CSNK1D: variants seen among roughly 807,000 people sequenced by gnomAD.
CSNK1D encodes casein kinase 1 delta.
CSNK1D carries 16 observed loss-of-function variants against 46.6 expected under a neutral mutation model. The observed-to-expected ratio is 0.34, with a 90% CI of 0.23 to 0.52. The LOEUF (loss-of-function observed/expected upper bound fraction) is 0.52. Ranked by LOEUF, CSNK1D falls within the 20% of genes least tolerant of loss-of-function variation. The pLI, the probability that CSNK1D is intolerant of heterozygous loss-of-function variation, is 0.95. For missense variants in CSNK1D, 398 were observed against 578.4 expected, an observed-to-expected ratio of 0.69 and a Z score of 3.20; for synonymous variants, 276 against 228.2, an observed-to-expected ratio of 1.21 and a Z score of -1.89.
In CSNK1D at chr17:82,243,556, C is replaced by T. The variant is rs2050779046; in HGVS notation, c.*1225G>A. ...TTCACTTCTGACCAACAGACACGCG[C>T]CCAACAGAAGGTCACAGCGCAGACT... is the stretch of plus-strand genomic sequence containing the variant. On this transcript the variant is annotated 3_prime_UTR_variant, in exon 9 of 9. Coordinates refer to ENST00000314028, the MANE Select transcript of CSNK1D (RefSeq NM_001893.6). 2 of 985,358 alleles carry T rather than the reference C, an allele frequency of 2.0e-6. No individual in the cohort carries two copies. Among genetic ancestry groups the T allele is most frequent in the South Asian group, 4.7e-5 (1 of 21,294 alleles). 61.0% of individuals were successfully genotyped at this position (985,358 alleles called of 1,614,324 possible).
At chr17:82,271,667 G>A (rs2051627806) in intron 1 of CSNK1D, among the ~76,000 whole-genome samples, 1 of 152,212 alleles carries the variant, frequency 6.6e-6, no homozygotes, top group South Asian at 2.1e-4. Context: ...GGGTCACCTG[G>A]CAGGTTAACC....
rs748422475 is a variant in CSNK1D, at chr17:82,253,153, T to C, written c.428A>G (p.Asn143Ser). The stretch of plus-strand genomic sequence containing the variant: ...CCCGAAGTCGATGATGTACACCAGG[T>C]TGCCCTTCTTCCCCAGGCCCATGAG... Reference protein sequence around the residue: ...NFLMGLGKKGNLVYIIDFGLA... With the variant: ...NFLMGLGKKGSLVYIIDFGLA... Residue 143 changes from asparagine to serine, a missense_variant, in exon 4 of 9, where the codon AAC (asparagine) becomes AGC (serine). Transcript: ENST00000314028. 5.6e-6 allele frequency: 9 copies of C among 1,614,216 alleles called. No individual in the cohort carries two copies. Among genetic ancestry groups the C allele is most frequent in the Admixed American group, 1.7e-5 (1 of 60,024 alleles).
At chr17:82,245,996 G>A in intron 8 of CSNK1D, 1 of 1,609,176 alleles carries the variant, frequency 6.2e-7, no homozygotes, top group South Asian at 1.1e-5. Flanking sequence ...CTTCCGATGG[G>A]AGACGAGCAG....
chr17:82,244,696 CG>C lies in CSNK1D; in HGVS notation c.*84del, dbSNP rs1568551125. On this transcript the variant is annotated 3_prime_UTR_variant, in exon 9 of 9. Coordinates refer to ENST00000314028, the MANE Select transcript of CSNK1D (RefSeq NM_001893.6). ...CGGTGTTAACATTTCGATCCTAGAC[CG>C]GGGGACGTGTCACTAGTAAAGCCAT... 1 of 1,607,292 alleles carries C rather than the reference CG, an allele frequency of 6.2e-7. No individual in the cohort carries two copies.
At chr17:82,242,212 T>TGG (rs546603907), downstream of CSNK1D, among the ~76,000 whole-genome samples, 70 of 85,908 alleles carry the variant, frequency 8.1e-4, no homozygotes, top group South Asian at 2.8e-3. Context: ...CTGTGTGCTC[T>TGG]GGGGGGGGGG....
chr17:82,252,839 T>C lies in CSNK1D; in HGVS notation c.565+177A>G, dbSNP rs2051048307. 6.6e-6 allele frequency among the ~76,000 whole-genome samples: 1 copy of C among 152,060 alleles called. No individual in the cohort carries two copies. Among genetic ancestry groups the C allele is most frequent in the Admixed American group, 6.6e-5 (1 of 15,266 alleles). On this transcript the variant is annotated intron_variant, in intron 4 of 8. Coordinates refer to ENST00000314028, the MANE Select transcript of CSNK1D (RefSeq NM_001893.6). The surrounding 1 kb of genome is among the most constrained non-coding windows in gnomAD (Gnocchi z 4.6). The stretch of plus-strand genomic sequence containing the variant: ...AAACACATCACAGGTGACTCAGAAA[T>C]GTCCCAGCATCCGCCTGCCCCCATA...
At chr17:82,259,435 T>C (rs530100114) in intron 2 of CSNK1D, among the ~76,000 whole-genome samples, 1 of 152,338 alleles carries the variant, frequency 6.6e-6, no homozygotes, top group African/African-American at 2.4e-5. Flanking sequence ...AGGCTGAGGA[T>C]GATGTGGGTT....
intron 8 of CSNK1D, chr17:82,247,016 C>T: frequency 1.0e-6 from 1 of 985,454 alleles, no homozygotes; most frequent in Middle Eastern, 5.2e-4. Context: ...ACGGCCAAAG[C>T]CTTCCTGTGA....
chr17:82,245,815 G>A (rs1296163545), intron 8 of CSNK1D, among the ~76,000 whole-genome samples: 3 of 152,136 alleles, frequency 2.0e-5, no homozygotes, highest in Non-Finnish European at 4.4e-5. Context: ...GCGGACTGCC[G>A]CCGCTCTGCA....
chr17:82,270,382 C>T (rs1229070367), intron 1 of CSNK1D, among the ~76,000 whole-genome samples: 2 of 152,076 alleles, frequency 1.3e-5, no homozygotes, highest in African/African-American at 2.4e-5. Flanking sequence ...AGAAAGTCCC[C>T]GGTAGAAAAA....
At position 82,243,191 on chromosome 17, in the gene CSNK1D, T is replaced by TG. The variant is rs1164659246; in HGVS notation, c.*1589dup. On this transcript the variant is annotated 3_prime_UTR_variant, in exon 9 of 9. Transcript: ENST00000314028. The stretch of plus-strand genomic sequence containing the variant: ...CTCAGGCAGACGGCCAGCCAGCTGG[T>TG]GGGGGGGTGAACAACTGTGTTCTGG... 5.1e-5 allele frequency: 50 copies of TG among 985,120 alleles called. No individual in the cohort carries two copies. The Middle Eastern group carries it at 2.1e-3, about 41-fold the overall frequency. 61.0% of individuals were successfully genotyped at this position (985,120 alleles called of 1,614,324 possible).
In CSNK1D at chr17:82,251,671, T is replaced by A. The variant is rs2051012795; in HGVS notation, c.737-144A>T. The A allele has an allele frequency of 2.3e-6, 2 of 883,884 alleles. No homozygotes were observed. Among genetic ancestry groups the A allele is most frequent in the Admixed American group, 2.0e-5 (1 of 49,888 alleles). 54.8% of individuals were successfully genotyped at this position (883,884 alleles called of 1,614,324 possible). On this transcript the variant is annotated intron_variant, in intron 5 of 8. Transcript: ENST00000314028. The surrounding 1 kb of genome is among the most constrained non-coding windows in gnomAD (Gnocchi z 4.5). ...AAACACCTGTCAGATTTCTAAGACCTGAAGCCTTGAGAAAGCATCGAAAAG... is the reference window on the plus strand; with the variant it reads ...AAACACCTGTCAGATTTCTAAGACCAGAAGCCTTGAGAAAGCATCGAAAAG...
In CSNK1D at chr17:82,244,577, C is replaced by T. The variant is rs1599572142; in HGVS notation, c.*204G>A. On this transcript the variant is annotated 3_prime_UTR_variant, in exon 9 of 9. Coordinates refer to ENST00000314028, the MANE Select transcript of CSNK1D (RefSeq NM_001893.6). ...TTACAACCGAGTTCACGTGGGGGGC[C>T]GCAGTGCAGCCCCAGCGGTGGCAGC... is the stretch of plus-strand genomic sequence containing the variant. 16 of 1,497,896 alleles carry T rather than the reference C, an allele frequency of 1.1e-5. No individual in the cohort carries two copies. The highest frequency in any genetic ancestry group is 2.5e-5 in the East Asian group (1 of 40,276). 92.8% of individuals were successfully genotyped at this position (1,497,896 alleles called of 1,614,324 possible).
At chr17:82,246,086 C>A in intron 8 of CSNK1D, 2 of 1,579,930 alleles carry the variant, frequency 1.3e-6, no homozygotes, top group East Asian at 2.3e-5. Flanking sequence ...CGCTGGCCCC[C>A]TGACTACCTG....
rs1346523413 is a variant in CSNK1D, at chr17:82,253,130, C to T, written c.451G>A (p.Gly151Arg). The T allele has an allele frequency of 3.7e-6, 6 of 1,614,108 alleles. No homozygotes were observed. The highest frequency in any genetic ancestry group is 5.1e-6 in the Non-Finnish European group (6 of 1,180,044). Residue 151 changes from glycine to arginine, a missense_variant, in exon 4 of 9, where the codon GGG becomes AGG. By Grantham distance (125) the Gly-to-Arg change is moderately radical. This residue lies in a region of CSNK1D where 217 missense variants were observed against 370.3 expected (regional missense o/e 0.59). Transcript: ENST00000314028. ...GCATCCCGGTACTTCTTGGCCAGCC[C>T]GAAGTCGATGATGTACACCAGGTTG... ...KGNLVYIIDF[G>R]LAKKYRDART...
intron 1 of CSNK1D, among the ~76,000 whole-genome samples, chr17:82,269,775 C>T (rs1180384298): frequency 2.6e-5 from 4 of 152,240 alleles, no homozygotes; most frequent in South Asian, 2.1e-4. Flanking sequence ...GGGCCGCCTG[C>T]GGGGTGAACA....
rs2147162978 is a variant in CSNK1D, at chr17:82,249,323, A to G, written c.1057+108T>C. 1 of 1,208,246 alleles carries G rather than the reference A, an allele frequency of 8.3e-7. No homozygotes were observed. Among genetic ancestry groups the G allele is most frequent in the Non-Finnish European group, 1.2e-6 (1 of 857,150 alleles). 74.8% of individuals were successfully genotyped at this position (1,208,246 alleles called of 1,614,324 possible). A position where few individuals can be genotyped will look rare whatever the true frequency, so the allele number is the denominator to read the frequency against. On this transcript the variant is annotated intron_variant, in intron 7 of 8. Coordinates refer to ENST00000314028, the MANE Select transcript of CSNK1D (RefSeq NM_001893.6). This position sits in a 1 kb window ranked among gnomAD's most constrained non-coding sequence, Gnocchi z 6.7. ...CCCTCAGGAGCGAGCATCGCCTGAC[A>G]CAGGGCACTTAGTGTCCACCACCAA... is the stretch of plus-strand genomic sequence containing the variant.
Position 82,273,480 on chromosome 17 carries a change from C to T in CSNK1D, c.-99G>A. 1 of 1,435,496 alleles carries T rather than the reference C, an allele frequency of 7.0e-7. No individual in the cohort carries two copies. Among genetic ancestry groups the T allele is most frequent in the Non-Finnish European group, 9.5e-7 (1 of 1,047,340 alleles). The allele number at this position is 1,435,496 out of a possible 1,614,324, so 88.9% of individuals were successfully genotyped here. ...GCTGCCGCTACTGCGGGTCCGGCTC[C>T]CGGCTCCGCCCCCCTCACGGCCCCG... is the stretch of plus-strand genomic sequence containing the variant. On this transcript the variant is annotated 5_prime_UTR_variant, in exon 1 of 9. Transcript: ENST00000314028. This position sits in a 1 kb window ranked among gnomAD's most constrained non-coding sequence, Gnocchi z 5.1.
At position 82,247,193 on chromosome 17, in the gene CSNK1D, C is replaced by T. The variant is rs113679169; in HGVS notation, c.1197+1682G>A. ...GACTCCTCCCTGCTGTTAGAGCCCA[C>T]GTTGTATTTCCTCATATGGAAAACG... On this transcript the variant is annotated intron_variant, in intron 8 of 8. Coordinates refer to ENST00000314028, the MANE Select transcript of CSNK1D (RefSeq NM_001893.6). 5,208 of 985,458 alleles carry T rather than the reference C, an allele frequency of 5.3e-3. 19 individuals carry two copies. The highest frequency in any genetic ancestry group is 5.8e-3 in the Non-Finnish European group (4,846 of 829,952). The allele number at this position is 985,458 out of a possible 1,614,324, so 61.0% of individuals were successfully genotyped here. A position where few individuals can be genotyped will look rare whatever the true frequency, so the allele number is the denominator to read the frequency against.
Sources: allele counts gnomAD v4.1 joint callset (sites outside exome capture counted in the v4.1 genomes callset), GRCh38; gene constraint gnomAD v4.1.1; regional missense constraint gnomAD v4.1.1; non-coding constraint Gnocchi (gnomAD v3.1); transcripts MANE v1.5; gene names NCBI Gene and HGNC (gene_info 2026-07-23, HGNC 2026-07-21).